Variants in RAC3 observed in about 807,000 individuals in gnomAD.
RAC3 encodes the protein ras-related C3 botulinum toxin substrate 3.
RAC3 carries 9 observed loss-of-function variants against 19.0 expected under a neutral mutation model. The observed-to-expected ratio is 0.47, with a 90% confidence interval of 0.29 to 0.83. The LOEUF is 0.83. RAC3 is among the 40% of genes least tolerant of loss of function. The probability of loss-of-function intolerance (pLI) is 0.09; values close to 1 mark genes in which losing one functional copy is unlikely to be tolerated. For missense variants in RAC3, 203 were observed against 260.8 expected, an observed-to-expected ratio of 0.78 and a Z score of 1.53; for synonymous variants, 146 against 111.8, an observed-to-expected ratio of 1.31 and a Z score of -1.93.
rs2043446244 is a variant in RAC3 at position 82,032,935 on chromosome 17, C to T, written c.226-12C>T. ...CCCTGACCACTCCACCAGGTCCCAC[C>T]TTTTTCCCAAGGACGTCTTTCTGAT... is the stretch of plus-strand genomic sequence containing the variant. On this transcript the variant is annotated splice_polypyrimidine_tract_variant and intron_variant, in intron 3 of 5. Coordinates refer to ENST00000306897, the MANE Select transcript of RAC3 (RefSeq NM_005052.3). 5.6e-6 allele frequency: 9 copies of T among 1,613,522 alleles called. No individual in the cohort carries two copies. Among genetic ancestry groups the T allele is most frequent in the Non-Finnish European group, 7.6e-6 (9 of 1,179,800 alleles).
chr17:82,032,002 C>G (rs569829407), intron 1 of RAC3: 18 of 187,854 alleles, frequency 9.6e-5, no homozygotes, highest in Non-Finnish European at 1.6e-4. Context: ...TCGGGCCCAC[C>G]TGATGCTGCC....
chr17:82,034,038 CG>C lies in RAC3; in HGVS notation c.*211del. 3 of 356,004 alleles carry C rather than the reference CG, an allele frequency of 8.4e-6. No homozygotes were observed. In the East Asian group the frequency reaches 3.1e-4, roughly 37 times the overall value. 22.1% of individuals were successfully genotyped at this position (356,004 alleles called of 1,614,324 possible). On this transcript the variant is annotated 3_prime_UTR_variant, in exon 6 of 6. Transcript: ENST00000306897. The stretch of plus-strand genomic sequence containing the variant: ...GGCTCCAGCCTTCCCTGGCCCCCGC[CG>C]GAGGCCGGGAGGGAGCAGGGTCTCC...
In RAC3 at chr17:82,033,522, A is replaced by T; in HGVS notation, c.371A>T (p.Asp124Val). 6.2e-7 allele frequency: 1 copy of T among 1,612,900 alleles called. No individual in the cohort carries two copies. The highest frequency in any genetic ancestry group is 8.5e-7 in the Non-Finnish European group (1 of 1,179,812). Reference sequence around the variant, plus strand: ...AAGCTGGACCTCCGCGACGACAAGGACACCATTGAGCGGCTGCGGGACAAG... The same window carrying T: ...AAGCTGGACCTCCGCGACGACAAGGTCACCATTGAGCGGCTGCGGGACAAG... ...GTKLDLRDDK[D>V]TIERLRDKKL... The change falls in exon 5 of 6, where the codon GAC becomes GTC. Residue 124 changes from aspartate to valine, a missense_variant. Asp to Val is a radical substitution (Grantham distance 152). Transcript: ENST00000306897. This position sits in a 1 kb window ranked among gnomAD's most constrained non-coding sequence, Gnocchi z 6.2.
chr17:82,032,124 C>G (rs953351709), intron 1 of RAC3: 1 of 529,574 alleles, frequency 1.9e-6, no homozygotes, highest in Non-Finnish European at 3.4e-6. Context: ...CCACCCTCTC[C>G]TGCCGCCACC....
Position 82,032,387 on chromosome 17 carries a change from C to T in RAC3, c.36C>T (p.Gly12=). Reference sequence around the variant, plus strand: ...GCCACGTGGCTTGCCCTGTCCGCAGCGCCGTGGGGAAGACATGCTTGCTGA... The same window carrying T: ...GCCACGTGGCTTGCCCTGTCCGCAGTGCCGTGGGGAAGACATGCTTGCTGA... ...QAIKCVVVGD[G]AVGKTCLLIS... The change falls in exon 2 of 6, where the codon GGC becomes GGT. Residue 12 remains glycine, a splice_region_variant and synonymous_variant. Transcript: ENST00000306897. 1 of 1,612,708 alleles carries T rather than the reference C, an allele frequency of 6.2e-7. No individual in the cohort carries two copies. Among genetic ancestry groups the T allele is most frequent in the East Asian group, 2.2e-5 (1 of 44,868 alleles).
In RAC3 at chr17:82,033,029, C is replaced by T. The variant is rs772222726; in HGVS notation, c.288+20C>T. The stretch of plus-strand genomic sequence containing the variant: ...GCCAAGGTAGGGCAAGGCTGGGGGC[C>T]CCTGTGGGGAGAGGGCTTGCCCCAG... On this transcript the variant is annotated intron_variant, in intron 4 of 5. Coordinates refer to ENST00000306897, the MANE Select transcript of RAC3 (RefSeq NM_005052.3). This position sits in a 1 kb window ranked among gnomAD's most constrained non-coding sequence, Gnocchi z 6.2. 2 of 1,607,730 alleles carry T rather than the reference C, an allele frequency of 1.2e-6. No individual in the cohort carries two copies. Among genetic ancestry groups the T allele is most frequent in the African/African-American group, 1.3e-5 (1 of 74,836 alleles).
intron 2 of RAC3, 114 bp downstream of exon 2, chr17:82,032,572 T>A: frequency 1.4e-6 from 2 of 1,457,236 alleles, no homozygotes; most frequent in Non-Finnish European, 1.9e-6. Context: ...GCCCTGTCTC[T>A]GGGCTTCCCG....
Position 82,033,260 on chromosome 17 carries a change from C to A in RAC3, c.289-180C>A, listed in dbSNP as rs764971756. 1.3e-5 allele frequency among the ~76,000 whole-genome samples: 2 copies of A among 152,174 alleles called. No homozygotes were observed. The highest frequency in any genetic ancestry group is 4.8e-5 in the African/African-American group (2 of 41,448). On this transcript the variant is annotated intron_variant, in intron 4 of 5. Transcript: ENST00000306897. This position sits in a 1 kb window ranked among gnomAD's most constrained non-coding sequence, Gnocchi z 6.2. ...AGGCCCTGGGAGGTCTCCAGGTTCC[C>A]TGGCTGCGTGTTTGTTCCTGGTATC...
chr17:82,033,335 T>A lies in RAC3; in HGVS notation c.289-105T>A, dbSNP rs922875389. The A allele has an allele frequency of 3.9e-6, 5 of 1,296,068 alleles. No individual in the cohort carries two copies. Among genetic ancestry groups the A allele is most frequent in the East Asian group, 2.5e-5 (1 of 39,852 alleles). The allele number at this position is 1,296,068 out of a possible 1,614,324, so 80.3% of individuals were successfully genotyped here. ...ACCCCTTGAAGGAAGAAGAGCCAAG[T>A]GTAGCTCTGGAACAGTGGGGAAAGT... is the stretch of plus-strand genomic sequence containing the variant. On this transcript the variant is annotated intron_variant, in intron 4 of 5. Transcript: ENST00000306897. The surrounding 1 kb of genome is among the most constrained non-coding windows in gnomAD (Gnocchi z 6.2).
At chr17:82,032,530 G>T (rs1234086314) in intron 2 of RAC3, 72 bp downstream of exon 2, 3 of 1,559,624 alleles carry the variant, frequency 1.9e-6, no homozygotes, top group Admixed American at 1.7e-5. Flanking sequence ...CACGGGCAGG[G>T]TCTCCTCTGG....
chr17:82,033,158 G>A lies in RAC3; in HGVS notation c.288+149G>A. ...GAAGATGACCATGGGGGCTGATGGGGTGCCGTGGTGGTGGTCACAGCTCTC... is the reference window on the plus strand; with the variant it reads ...GAAGATGACCATGGGGGCTGATGGGATGCCGTGGTGGTGGTCACAGCTCTC... On this transcript the variant is annotated intron_variant, in intron 4 of 5. Transcript: ENST00000306897. This position sits in a 1 kb window ranked among gnomAD's most constrained non-coding sequence, Gnocchi z 6.2. The A allele has an allele frequency of 1.1e-6, 1 of 922,296 alleles. No individual in the cohort carries two copies. Among genetic ancestry groups the A allele is most frequent in the Non-Finnish European group, 1.7e-6 (1 of 601,190 alleles). 57.1% of individuals were successfully genotyped at this position (922,296 alleles called of 1,614,324 possible).
In RAC3 at chr17:82,033,838, C is replaced by G; in HGVS notation, c.*9C>G. 1 of 1,584,670 alleles carries G rather than the reference C, an allele frequency of 6.3e-7. No homozygotes were observed. Among genetic ancestry groups the G allele is most frequent in the Non-Finnish European group, 8.6e-7 (1 of 1,165,832 alleles). On this transcript the variant is annotated 3_prime_UTR_variant, in exon 6 of 6. Coordinates refer to ENST00000306897, the MANE Select transcript of RAC3 (RefSeq NM_005052.3). This position sits in a 1 kb window ranked among gnomAD's most constrained non-coding sequence, Gnocchi z 6.2. ...AGTGCACCGTCTTCTAGAGCCCTGGCCCACCCGAGCCTGAGGGCTGGCGGG... is the reference window on the plus strand; with the variant it reads ...AGTGCACCGTCTTCTAGAGCCCTGGGCCACCCGAGCCTGAGGGCTGGCGGG...
chr17:82,033,087 A>AC lies in RAC3; in HGVS notation c.288+78_288+79insC, dbSNP rs1389152610. On this transcript the variant is annotated intron_variant, in intron 4 of 5. Coordinates refer to ENST00000306897, the MANE Select transcript of RAC3 (RefSeq NM_005052.3). The surrounding 1 kb of genome is among the most constrained non-coding windows in gnomAD (Gnocchi z 6.2). ...CCCGACAAGTTGTCCTTTAGAGGCAATTGCGATACGGGTTCTGCCTGGGGT... is the reference window on the plus strand; with the variant it reads ...CCCGACAAGTTGTCCTTTAGAGGCAACTTGCGATACGGGTTCTGCCTGGGGT... 1.5e-6 allele frequency: 2 copies of AC among 1,356,514 alleles called. No individual in the cohort carries two copies. Among genetic ancestry groups the AC allele is most frequent in the African/African-American group, 5.2e-5 (2 of 38,264 alleles). 84.0% of individuals were successfully genotyped at this position (1,356,514 alleles called of 1,614,324 possible). A position where few individuals can be genotyped will look rare whatever the true frequency, so the allele number is the denominator to read the frequency against.
rs760103983 is a variant in RAC3 at position 82,032,991 on chromosome 17, C to A, written c.270C>A (p.Phe90Leu). Residue 90 changes from phenylalanine (F) to leucine (L), a missense_variant, in exon 4 of 6, where the codon TTC becomes TTA. By Grantham distance (22) the Phe-to-Leu change is conservative (BLOSUM62 0). This residue lies in a region of RAC3 where 142 missense variants were observed against 158.2 expected (regional missense o/e 0.90). Transcript: ENST00000306897. ...TCTCTCTGGTGAGCCCGGCCTCCTT[C>A]GAGAATGTTCGTGCCAAGGTAGGGC... ...ICFSLVSPAS[F>L]ENVRAKWYPE... The A allele has an allele frequency of 1.2e-6, 2 of 1,613,516 alleles. No individual in the cohort carries two copies. The highest frequency in any genetic ancestry group is 2.7e-5 in the African/African-American group (2 of 75,064).
intron 2 of RAC3, 110 bp from the exon 3 acceptor site, chr17:82,032,601 G>A: frequency 7.0e-7 from 1 of 1,435,558 alleles, no homozygotes; most frequent in South Asian, 1.2e-5. Context: ...TGAGGTGCTG[G>A]CCAGAGTTCT....
rs892458080 is a variant in RAC3 at position 82,032,634 on chromosome 17, C to T, written c.108-77C>T. On this transcript the variant is annotated intron_variant, in intron 2 of 5. Transcript: ENST00000306897. ...TCTAGTTCTGTGCAGACTTGTGAAC[C>T]CCAAGACACAGGCCAGCAGGGCTGG... 3 of 1,491,414 alleles carry T rather than the reference C, an allele frequency of 2.0e-6. No homozygotes were observed. The African/African-American group carries it at 4.1e-5, about 21-fold the overall frequency. The allele number at this position is 1,491,414 out of a possible 1,614,324, so 92.4% of individuals were successfully genotyped here.
Position 82,032,793 on chromosome 17 carries a change from TACGATCGGCTGCGGCC to T in RAC3, c.193_208del (p.Asp65SerfsTer10). 6.2e-7 allele frequency: 1 copy of T among 1,613,050 alleles called. No homozygotes were observed. Among genetic ancestry groups the T allele is most frequent in the East Asian group, 2.2e-5 (1 of 44,866 alleles). ...GTGGGACACAGCGGGTCAGGAGGAC[TACGATCGGCTGCGGCC>T]ACTCTCCTACCCCCAAACTGTACGT... On this transcript the variant is annotated frameshift_variant, in exon 3 of 6. Coordinates refer to ENST00000306897, the MANE Select transcript of RAC3 (RefSeq NM_005052.3). LOFTEE classifies it high-confidence loss of function.
chr17:82,032,100 A>T (rs4517856), intron 1 of RAC3: 37,571 of 467,756 alleles, frequency 0.08, 1,871 homozygotes, highest in Non-Finnish European at 0.11. Context: ...CCTGGGCTGA[A>T]CCCTCAGCCG....
Position 82,033,596 on chromosome 17 carries a change from A to T in RAC3, c.445A>T (p.Ile149Phe), listed in dbSNP as rs1191467755. The change falls in exon 5 of 6, where the codon ATT (isoleucine) becomes TTT (phenylalanine). Residue 149 changes from isoleucine to phenylalanine, a missense_variant. Transcript: ENST00000306897. The surrounding 1 kb of genome is among the most constrained non-coding windows in gnomAD (Gnocchi z 6.2). ...ACAGGGCCTGGCCATGGCCCGGGAG[A>T]TTGGTGGGTAGGCGCTGGCGGCCTG... ...YPQGLAMARE[I>F]GSVKYLECSA... 2.5e-6 allele frequency: 4 copies of T among 1,608,684 alleles called. No homozygotes were observed. Among genetic ancestry groups the T allele is most frequent in the Admixed American group, 1.7e-5 (1 of 59,742 alleles).
Sources: allele counts gnomAD v4.1 joint callset (sites outside exome capture counted in the v4.1 genomes callset), GRCh38; gene constraint gnomAD v4.1.1; regional missense constraint gnomAD v4.1.1; non-coding constraint Gnocchi (gnomAD v3.1); transcripts MANE v1.5; gene names NCBI Gene and HGNC (gene_info 2026-07-23, HGNC 2026-07-21).